The following PARD3 variants were observed in gnomAD, a reference collection of about 807,000 sequenced individuals.
PARD3 encodes the protein par-3 family cell polarity regulator, also known as partitioning defective 3 homolog.
A neutral mutation model predicts 155.4 loss-of-function variants in PARD3; 75 were observed. The observed-to-expected ratio is 0.48, with a 90% CI of 0.40 to 0.58. PARD3 has a LOEUF of 0.58. Among genes scored for constraint, PARD3 ranks in the 20% least tolerant of loss-of-function variants. The pLI is 0.00. For missense variants in PARD3, 1,642 were observed against 1,721.7 expected (o/e 0.95, Z 0.82); for synonymous variants, 576 against 610.5 (o/e 0.94, Z 0.83).
chr10:34,512,639 T>C (rs2081469436), intron 3 of PARD3, among the ~76,000 whole-genome samples: 3 of 152,234 alleles, frequency 2.0e-5, no homozygotes, highest in Admixed American at 2.0e-4. Flanking sequence ...TCATTGATTC[T>C]AGACCTTTTC....
chr10:34,318,675 G>A (rs1958169719), intron 19 of PARD3, among the ~76,000 whole-genome samples: 1 of 152,108 alleles, frequency 6.6e-6, no homozygotes, highest in Non-Finnish European at 1.5e-5. Flanking sequence ...ATCAAATGGT[G>A]GTATAGCTAC....
intron 22 of PARD3, among the ~76,000 whole-genome samples, chr10:34,194,563 C>A (rs1446854054): frequency 6.7e-6 from 1 of 149,194 alleles, no homozygotes; most frequent in Non-Finnish European, 1.5e-5. Flanking sequence ...GGAACTGTTT[C>A]GTAAAATAAC....
At chr10:34,692,277 T>C (rs1323464590) in intron 2 of PARD3, among the ~76,000 whole-genome samples, 2 of 150,118 alleles carry the variant, frequency 1.3e-5, no homozygotes, top group Non-Finnish European at 3.0e-5. Context: ...AAGAATTAAA[T>C]ATAAAATCTA....
At chr10:34,400,250 T>C (rs1843740648) in intron 6 of PARD3, among the ~76,000 whole-genome samples, 2 of 152,232 alleles carry the variant, frequency 1.3e-5, no homozygotes, top group South Asian at 4.1e-4. Flanking sequence ...TAGCTGGGAC[T>C]ACAGCTATGA....
chr10:34,683,484 C>T (rs766995927), intron 2 of PARD3, among the ~76,000 whole-genome samples: 2 of 150,674 alleles, frequency 1.3e-5, no homozygotes, highest in African/African-American at 2.4e-5. Context: ...CAAGTAAAGA[C>T]AGCGTGAAGC....
chr10:34,692,591 G>A (rs961464842), intron 2 of PARD3, among the ~76,000 whole-genome samples: 3 of 152,110 alleles, frequency 2.0e-5, no homozygotes, highest in Non-Finnish European at 4.4e-5. Context: ...AGTGGGCAAA[G>A]AGGCCAGGCG....
In PARD3 at chr10:34,554,686, G is replaced by A. The variant is rs572710205; in HGVS notation, c.223-37527C>T. Reference sequence around the variant, plus strand: ...CAATTAAGGCCAATGACAACTCAGCGGCCTTTCGTTAGGAATCGAAATCTC... The same window carrying A: ...CAATTAAGGCCAATGACAACTCAGCAGCCTTTCGTTAGGAATCGAAATCTC... On this transcript the variant is annotated intron_variant, in intron 2 of 24. Coordinates refer to ENST00000374788, the MANE Select transcript of PARD3 (RefSeq NM_001184785.2). Among the ~76,000 whole-genome samples the A allele has an allele frequency of 3.9e-5, 6 of 152,144 alleles. No homozygotes were observed. In the South Asian group the frequency reaches 1.2e-3, roughly 32 times the overall value.
At chr10:34,368,395 G>A (rs186432601) in intron 12 of PARD3, among the ~76,000 whole-genome samples, 20 of 152,250 alleles carry the variant, frequency 1.3e-4, no homozygotes, top group Admixed American at 3.3e-4. Flanking sequence ...AGAGCAGGCC[G>A]GGCGCGGTGG....
At chr10:34,586,621 T>A (rs1386609137) in intron 2 of PARD3, among the ~76,000 whole-genome samples, 1 of 152,182 alleles carries the variant, frequency 6.6e-6, no homozygotes, top group African/African-American at 2.4e-5. Flanking sequence ...CTAGCCATAT[T>A]TGAAAAATAT....
intron 2 of PARD3, among the ~76,000 whole-genome samples, chr10:34,550,647 T>A (rs2084474227): frequency 1.3e-5 from 2 of 152,204 alleles, no homozygotes; most frequent in South Asian, 4.1e-4. Flanking sequence ...AAAACAAATG[T>A]TCCCCTCCTC....
At chr10:34,605,566 A>ATCTCC (rs2090216157) in intron 2 of PARD3, among the ~76,000 whole-genome samples, 2 of 63,460 alleles carry the variant, frequency 3.2e-5, no homozygotes, top group Non-Finnish European at 5.0e-5. Flanking sequence ...TCTCCTATAT[A>ATCTCC]TATATATATC....
chr10:34,338,555 T>C (rs56804247), intron 16 of PARD3, among the ~76,000 whole-genome samples: 2,386 of 152,268 alleles, frequency 0.016, 70 homozygotes, highest in African/African-American at 0.055. Context: ...TTTATGATAG[T>C]CTTCCTCATG....
chr10:34,432,072 G>A (rs371846014), intron 5 of PARD3, among the ~76,000 whole-genome samples: 3,031 of 51,390 alleles, frequency 0.059, no homozygotes, highest in Non-Finnish European at 0.079. Flanking sequence ...AAAAAAAAAA[G>A]AATGCAGAGA....
At chr10:34,744,615 G>A (rs1011087494) in intron 1 of PARD3, among the ~76,000 whole-genome samples, 2 of 152,340 alleles carry the variant, frequency 1.3e-5, no homozygotes, top group South Asian at 2.1e-4. Context: ...TATTTTTAAT[G>A]ACAAACTACA....
intron 22 of PARD3, among the ~76,000 whole-genome samples, chr10:34,177,623 C>T (rs1950091600): frequency 6.6e-6 from 1 of 152,202 alleles, no homozygotes; most frequent in South Asian, 2.1e-4. Flanking sequence ...TGTCCCCAAA[C>T]CTCAACCCAC....
intron 2 of PARD3, among the ~76,000 whole-genome samples, chr10:34,591,088 A>G (rs2088635714): frequency 6.6e-6 from 1 of 151,836 alleles, no homozygotes; most frequent in Non-Finnish European, 1.5e-5. Context: ...TTCTGTCCCA[A>G]CCCAGAGGGC....
intron 4 of PARD3, among the ~76,000 whole-genome samples, chr10:34,469,490 TA>T (rs1174426268): frequency 2.6e-5 from 4 of 152,148 alleles, no homozygotes; most frequent in Admixed American, 6.5e-5. Flanking sequence ...AGGACTAAAA[TA>T]AATTAGGTCA....
At chr10:34,478,817 A>G (rs1467699899) in intron 3 of PARD3, among the ~76,000 whole-genome samples, 4 of 152,190 alleles carry the variant, frequency 2.6e-5, no homozygotes, top group African/African-American at 9.7e-5. Flanking sequence ...TGCTGGGATT[A>G]CAGGCGTGAA....
intron 1 of PARD3, among the ~76,000 whole-genome samples, chr10:34,745,962 C>A (rs558952717): frequency 6.6e-6 from 1 of 152,132 alleles, no homozygotes; most frequent in East Asian, 1.9e-4. Context: ...ATTAGCCGGG[C>A]ATGGTGGCGA....
Sources: allele counts gnomAD v4.1 joint callset (sites outside exome capture counted in the v4.1 genomes callset), GRCh38; gene constraint gnomAD v4.1.1; transcripts MANE v1.5; gene names NCBI Gene and HGNC (gene_info 2026-07-23, HGNC 2026-07-21).